THSD4: variants seen among roughly 807,000 people sequenced by gnomAD.
THSD4 encodes thrombospondin type 1 domain containing 4.
In THSD4, 69 loss-of-function variants were observed where a neutral mutation model predicts 119.0. That is an observed-to-expected ratio of 0.58 (90% CI 0.48 to 0.71). THSD4 has a LOEUF of 0.71. Ranked by LOEUF, THSD4 falls within the 30% of genes least tolerant of loss-of-function variation. THSD4 has a pLI of 0.00. For synonymous variants in THSD4, 524 were observed against 540.4 expected (o/e 0.97, Z 0.42); for missense variants, 1,393 against 1,391.1 (o/e 1.00, Z -0.02).
At chr15:71,450,138 A>C (rs142731134) in intron 7 of THSD4, among the ~76,000 whole-genome samples, 174 of 152,310 alleles carry the variant, frequency 1.1e-3, no homozygotes, top group African/African-American at 4.1e-3. Context: ...TGAAAACTCA[A>C]GGATGGCAGA....
chr15:71,518,356 T>G (rs894780842), intron 7 of THSD4, among the ~76,000 whole-genome samples: 1 of 152,030 alleles, frequency 6.6e-6, no homozygotes, highest in Non-Finnish European at 1.5e-5. Context: ...CTCAGGAAAA[T>G]GATGTGATGA....
At chr15:71,147,315 C>G (rs75388982) in intron 2 of THSD4, among the ~76,000 whole-genome samples, 4,495 of 152,230 alleles carry the variant, frequency 0.03, 109 homozygotes, top group East Asian at 0.12. Context: ...AACGATCCTC[C>G]CACCTCAGCC....
At chr15:71,452,361 A>G (rs1399308385) in intron 7 of THSD4, among the ~76,000 whole-genome samples, 1 of 151,896 alleles carries the variant, frequency 6.6e-6, no homozygotes, top group Non-Finnish European at 1.5e-5. Context: ...TCCCACCCCC[A>G]GGTGTTTCTA....
chr15:71,724,293 T>A (rs1342579028), intron 8 of THSD4, among the ~76,000 whole-genome samples: 1 of 60,044 alleles, frequency 1.7e-5, no homozygotes, highest in Non-Finnish European at 4.7e-5. Flanking sequence ...ATATATTTTT[T>A]TTTTCCCCCC....
chr15:71,768,696 C>G (rs1208458708), intron 16 of THSD4, among the ~76,000 whole-genome samples: 2 of 149,978 alleles, frequency 1.3e-5, no homozygotes, highest in East Asian at 2.0e-4. Context: ...TCCCAAGTAG[C>G]TGGGACTACA....
At chr15:71,560,161 T>A (rs567441296) in intron 7 of THSD4, among the ~76,000 whole-genome samples, 1 of 152,342 alleles carries the variant, frequency 6.6e-6, no homozygotes, top group South Asian at 2.1e-4. Context: ...ACAGAAAGAA[T>A]GCTGAAATTT....
chr15:71,715,775 GTTTT>G lies in THSD4; in HGVS notation c.1358-12763_1358-12760del, dbSNP rs3086733. On this transcript the variant is annotated intron_variant, in intron 8 of 17. Transcript: ENST00000261862. The stretch of plus-strand genomic sequence containing the variant: ...CTCAAAATTTGGAATTAGGCTCTGG[GTTTT>G]TTTTTTTTTTCCTCTATTTAGGATA... Among the ~76,000 whole-genome samples the G allele has an allele frequency of 2.1e-3, 311 of 148,000 alleles. 2 individuals are homozygous for G. Among genetic ancestry groups the G allele is most frequent in the African/African-American group, 6.2e-3 (245 of 39,656 alleles).
At chr15:71,246,182 TTGA>T (rs1165079444) in intron 5 of THSD4, among the ~76,000 whole-genome samples, 7 of 151,916 alleles carry the variant, frequency 4.6e-5, no homozygotes, top group Non-Finnish European at 7.4e-5. Flanking sequence ...CCGTGTAGGG[TTGA>T]TGTCAGGTTC....
chr15:71,371,603 G>A (rs1165124021), intron 6 of THSD4, among the ~76,000 whole-genome samples: 1 of 152,302 alleles, frequency 6.6e-6, no homozygotes, highest in East Asian at 1.9e-4. Flanking sequence ...GTTGAATATG[G>A]ACCCCCACTG....
At chr15:71,624,070 G>A (rs1008441321) in intron 7 of THSD4, among the ~76,000 whole-genome samples, 7 of 152,206 alleles carry the variant, frequency 4.6e-5, no homozygotes, top group African/African-American at 9.6e-5. Flanking sequence ...GAGAGTGATC[G>A]AGAACAACAC....
chr15:71,576,424 T>G (rs2049449638), intron 7 of THSD4, among the ~76,000 whole-genome samples: 1 of 152,168 alleles, frequency 6.6e-6, no homozygotes. Flanking sequence ...CTGAATCTAC[T>G]CTTTGAGCAA....
rs16956124 is a variant in THSD4, at chr15:71,731,295, C to T, written c.1630+78C>T. Reference sequence around the variant, plus strand: ...TTCTCTCTCTCAATTCTTGTGCATCCACCCTCTGTCTCTCGGTCAACACAG... The same window carrying T: ...TTCTCTCTCTCAATTCTTGTGCATCTACCCTCTGTCTCTCGGTCAACACAG... On this transcript the variant is annotated intron_variant, in intron 10 of 17. Transcript: ENST00000261862. 8,566 of 1,371,656 alleles carry T rather than the reference C, an allele frequency of 6.2e-3. 279 individuals are homozygous for T. In the Admixed American group the frequency reaches 0.072, roughly 12 times the overall value. The allele number at this position is 1,371,656 out of a possible 1,614,324, so 85.0% of individuals were successfully genotyped here. A position where few individuals can be genotyped will look rare whatever the true frequency, so the allele number is the denominator to read the frequency against.
chr15:71,421,320 C>CA (rs1297539492), intron 7 of THSD4, among the ~76,000 whole-genome samples: 7,971 of 66,172 alleles, frequency 0.12, 708 homozygotes, highest in East Asian at 0.15. Flanking sequence ...TAGTCTCTTT[C>CA]TACTCCCTTT....
chr15:71,532,017 C>T (rs554062315), intron 7 of THSD4, among the ~76,000 whole-genome samples: 13 of 152,144 alleles, frequency 8.5e-5, no homozygotes, highest in Admixed American at 2.0e-4. Context: ...CCCGTACTTT[C>T]TCCAAGTCCT....
At chr15:71,740,474 A>G (rs1479393386) in intron 11 of THSD4, among the ~76,000 whole-genome samples, 1 of 152,210 alleles carries the variant, frequency 6.6e-6, no homozygotes, top group East Asian at 1.9e-4. Flanking sequence ...GTGGTTTTCA[A>G]CAAAGGGTGC....
Position 71,442,579 on chromosome 15 carries a change from A to AAATATAT in THSD4, c.1152+30757_1152+30758insATATATA, listed in dbSNP as rs1195413080. 4.3e-4 allele frequency among the ~76,000 whole-genome samples: 17 copies of AAATATAT among 39,860 alleles called. No homozygotes were observed. The South Asian group carries it at 6.5e-3, about 15-fold the overall frequency. The allele number at this position is 39,860 out of a possible 152,430, so 26.1% of individuals were successfully genotyped here. ...GCAAAACTCCATCTCAAAAAAAAAA[A>AAATATAT]ATATATATATATATATATATATGTG... On this transcript the variant is annotated intron_variant, in intron 7 of 17. Coordinates refer to ENST00000261862, the MANE Select transcript of THSD4 (RefSeq NM_024817.3).
rs371448912 is a variant in THSD4, at chr15:71,677,410, A to G, written c.1357+16676A>G. On this transcript the variant is annotated intron_variant, in intron 8 of 17. Transcript: ENST00000261862. ...CCAGAACCAAATATTCACAAAACAA[A>G]GATTCCATGCCAAAGAGACTGTGCC... 2.2e-4 allele frequency among the ~76,000 whole-genome samples: 33 copies of G among 152,372 alleles called. 2 individuals are homozygous for G. The highest frequency in any genetic ancestry group is 7.7e-4 in the African/African-American group (32 of 41,582).
chr15:71,775,926 G>A (rs1451491157), intron 17 of THSD4, among the ~76,000 whole-genome samples: 1 of 152,076 alleles, frequency 6.6e-6, no homozygotes, highest in Non-Finnish European at 1.5e-5. Flanking sequence ...GATATATGAT[G>A]GAGGTCATAT....
chr15:71,298,251 A>T (rs888971421), intron 6 of THSD4, among the ~76,000 whole-genome samples: 4 of 152,292 alleles, frequency 2.6e-5, no homozygotes, highest in East Asian at 3.9e-4. Context: ...CTGATCATAG[A>T]TACAAGGATT....
Sources: gnomAD v4.1 joint callset for allele counts (sites outside exome capture counted in the v4.1 genomes callset) on GRCh38, gnomAD v4.1.1 for gene constraint, MANE v1.5 for transcripts, NCBI Gene and HGNC (gene_info 2026-07-23, HGNC 2026-07-21) for gene names.